HK1: variants seen among roughly 807,000 people sequenced by gnomAD.
HK1 encodes hexokinase-1.
Under a neutral mutation model 91.6 loss-of-function variants are expected in HK1, and 28 were observed. The observed-to-expected ratio is 0.31, with a 90% CI of 0.23 to 0.42. The LOEUF (loss-of-function observed/expected upper bound fraction) is 0.42. HK1 is among the 10% of genes least tolerant of loss of function. The pLI is 1.00. For synonymous variants in HK1, 430 were observed against 468.1 expected (o/e 0.92, Z 1.05); for missense variants, 770 against 1,219.8 (o/e 0.63, Z 5.49).
At chr10:69,382,880 C>T in intron 10 of HK1, 89 bp downstream of exon 10, 1 of 1,275,464 alleles carries the variant, frequency 7.8e-7, no homozygotes, top group South Asian at 1.3e-5. Flanking sequence ...CAGTGGATGC[C>T]TTCACACTGG....
chr10:69,351,842 A>G (rs1251981291), intron 2 of HK1, among the ~76,000 whole-genome samples: 2 of 152,212 alleles, frequency 1.3e-5, no homozygotes, highest in African/African-American at 4.8e-5. Context: ...TGAAGATTGA[A>G]AATAAAAGGA....
At chr10:69,395,595 A>C (rs1840099091) in intron 16 of HK1, among the ~76,000 whole-genome samples, 1 of 152,204 alleles carries the variant, frequency 6.6e-6, no homozygotes, top group African/African-American at 2.4e-5. Context: ...AAATAAGTAA[A>C]TTACTTACTT....
chr10:69,356,451 A>G (rs1008710780), intron 2 of HK1, among the ~76,000 whole-genome samples: 14 of 152,154 alleles, frequency 9.2e-5, no homozygotes, highest in African/African-American at 1.2e-4. Flanking sequence ...AACAACAAAC[A>G]TAAAATGTTA....
intron 2 of HK1, among the ~76,000 whole-genome samples, chr10:69,350,530 T>A (rs1848794029): frequency 6.6e-6 from 1 of 151,574 alleles, no homozygotes; most frequent in African/African-American, 2.4e-5. Flanking sequence ...GGCGTGGTGG[T>A]GCATGCCTGT....
At chr10:69,366,148 A>G (rs1849690443) in intron 4 of HK1, among the ~76,000 whole-genome samples, 1 of 152,162 alleles carries the variant, frequency 6.6e-6, no homozygotes, top group Non-Finnish European at 1.5e-5. Context: ...GTTTTAATAC[A>G]TACTTCACAG....
At chr10:69,366,435 C>T (rs1849704178) in intron 4 of HK1, among the ~76,000 whole-genome samples, 1 of 152,076 alleles carries the variant, frequency 6.6e-6, no homozygotes, top group East Asian at 1.9e-4. Flanking sequence ...ACCCTTACAT[C>T]TGTAAAATCT....
At chr10:69,359,697 G>C (rs960970546) in intron 2 of HK1, among the ~76,000 whole-genome samples, 200 bp from the exon 3 acceptor site, 3 of 152,210 alleles carry the variant, frequency 2.0e-5, no homozygotes, top group Non-Finnish European at 2.9e-5. Flanking sequence ...AGGACTCTGG[G>C]GTAGGATAGG....
chr10:69,271,220 C>T (rs1360176942), intron 1 of HK1: 1 of 152,140 alleles, frequency 6.6e-6, no homozygotes, highest in Non-Finnish European at 1.5e-5. Context: ...CAGGAACTCT[C>T]AACCTTTGTG....
Position 69,369,807 on chromosome 10 carries a change from C to T in HK1, c.875+183C>T, listed in dbSNP as rs1849904506. On this transcript the variant is annotated intron_variant, in intron 7 of 17. Coordinates refer to ENST00000359426, the MANE Select transcript of HK1 (RefSeq NM_000188.3). This position sits in a 1 kb window ranked among gnomAD's most constrained non-coding sequence, Gnocchi z 4.4. ...AGGCTGGAGTGCAGTGGCTCAATCT[C>T]AGCTCATTGCAACCTCCACCTCCTG... 6.6e-6 allele frequency among the ~76,000 whole-genome samples: 1 copy of T among 152,154 alleles called. No individual in the cohort carries two copies. The highest frequency in any genetic ancestry group is 1.5e-5 in the Non-Finnish European group (1 of 68,036).
At chr10:69,276,118 A>T (rs10998685) in intron 1 of HK1, among the ~76,000 whole-genome samples, 6,338 of 37,266 alleles carry the variant, frequency 0.17, 949 homozygotes, top group African/African-American at 0.33. Context: ...AAAAAAAAAA[A>T]ATACATATAT....
At chr10:69,388,354 G>C (rs1257704569) in intron 13 of HK1, among the ~76,000 whole-genome samples, 2 of 152,148 alleles carry the variant, frequency 1.3e-5, no homozygotes, top group African/African-American at 4.8e-5. Context: ...GGCTGAGGTG[G>C]GCGGATTACT....
intron 3 of HK1, chr10:69,295,617 C>A: frequency 6.3e-7 from 1 of 1,587,628 alleles, no homozygotes; most frequent in Non-Finnish European, 8.7e-7. Flanking sequence ...CTTTACTTGT[C>A]CTGTCTTTCT....
At chr10:69,382,247 C>T (rs1248050685) in intron 9 of HK1, among the ~76,000 whole-genome samples, 6 of 152,026 alleles carry the variant, frequency 3.9e-5, no homozygotes, top group Admixed American at 2.6e-4. Context: ...AAAAGTTAGC[C>T]GGGCGTGGCC....
intron 7 of HK1, among the ~76,000 whole-genome samples, chr10:69,374,275 G>T (rs1421344391): frequency 6.6e-6 from 1 of 152,158 alleles, no homozygotes; most frequent in East Asian, 1.9e-4. Context: ...TCTTTGGTGT[G>T]CAGGTCCTTG....
chr10:69,292,478 C>A, intron 3 of HK1: 1 of 298,582 alleles, frequency 3.3e-6, no homozygotes, highest in South Asian at 2.6e-5. Flanking sequence ...CAGGGACTAC[C>A]TGCATGTCCA....
chr10:69,394,451 T>C (rs1471993038), intron 15 of HK1, among the ~76,000 whole-genome samples: 2 of 152,232 alleles, frequency 1.3e-5, no homozygotes, highest in Non-Finnish European at 2.9e-5. Context: ...GGCACTTTCC[T>C]GAGGGCCCAG....
chr10:69,272,075 G>C (rs990807417), intron 1 of HK1, among the ~76,000 whole-genome samples: 2 of 152,100 alleles, frequency 1.3e-5, no homozygotes, highest in Admixed American at 6.5e-5. Context: ...TGTTGGCCAA[G>C]CTGGTCTCAA....
intron 5 of HK1, among the ~76,000 whole-genome samples, chr10:69,305,116 T>C (rs1846045215): frequency 6.6e-6 from 1 of 152,164 alleles, no homozygotes; most frequent in South Asian, 2.1e-4. Context: ...CCCAAGGTTA[T>C]CTCATAATCC....
At chr10:69,365,966 G>A (rs886831455) in intron 4 of HK1, among the ~76,000 whole-genome samples, 2 of 152,066 alleles carry the variant, frequency 1.3e-5, no homozygotes, top group African/African-American at 2.4e-5. Flanking sequence ...CTAGTGCTGG[G>A]ATTACAGGTG....
Sources: gnomAD v4.1 joint callset for allele counts (sites outside exome capture counted in the v4.1 genomes callset) on GRCh38, gnomAD v4.1.1 for gene constraint, Gnocchi (gnomAD v3.1) non-coding constraint, MANE v1.5 for transcripts, NCBI Gene and HGNC (gene_info 2026-07-23, HGNC 2026-07-21) for gene names.